Variants in AGGF1 observed in about 807,000 individuals in gnomAD.
AGGF1 encodes angiogenic factor with G patch and FHA domains 1.
In AGGF1, 56 loss-of-function variants were observed where a neutral mutation model predicts 86.5. The observed-to-expected ratio is 0.65, with a 90% CI of 0.52 to 0.81. The LOEUF (loss-of-function observed/expected upper bound fraction) is 0.81, where lower values mean the gene tolerates loss of function less well. Ranked by LOEUF, AGGF1 falls within the 30% of genes least tolerant of loss-of-function variation. AGGF1 has a pLI of 0.00. For synonymous variants in AGGF1, 313 were observed against 297.1 expected, an observed-to-expected ratio of 1.05 and a Z score of -0.55; for missense variants, 816 against 850.9, an observed-to-expected ratio of 0.96 and a Z score of 0.51.
At chr5:77,041,781 CT>C (rs202243111) in intron 5 of AGGF1, among the ~76,000 whole-genome samples, 1 of 106,500 alleles carries the variant, frequency 9.4e-6, no homozygotes, top group Non-Finnish European at 2.0e-5. Context: ...AAGACAAGAA[CT>C]TTTTTTATTT....
At position 77,044,739 on chromosome 5, in the gene AGGF1, T is replaced by C. The variant is rs142814359; in HGVS notation, c.871-1608T>C. Among the ~76,000 whole-genome samples, 45 of 152,268 alleles carry C rather than the reference T, an allele frequency of 3.0e-4. 1 individual carries two copies. The East Asian group carries it at 8.3e-3, about 28-fold the overall frequency. ...GCCCTTGTTCTTGTTCTGGGTGAAT[T>C]TGTATTGCTAGAAGTGTGTATAATT... On this transcript the variant is annotated intron_variant, in intron 5 of 13. Coordinates refer to ENST00000312916, the MANE Select transcript of AGGF1 (RefSeq NM_018046.5).
intron 5 of AGGF1, among the ~76,000 whole-genome samples, chr5:77,040,889 G>A (rs1011664652): frequency 2.6e-5 from 4 of 151,952 alleles, no homozygotes; most frequent in Admixed American, 2.6e-4. Flanking sequence ...TTTGAGACAG[G>A]GTCTTGCTCT....
chr5:77,034,535 G>C lies in AGGF1; in HGVS notation c.313+15G>C. ...GTCAATCTCAGGTATTTAGCTTATA[G>C]TGAGGATATGCTAACACTGTTACAT... On this transcript the variant is annotated intron_variant, in intron 2 of 13. Transcript: ENST00000312916. 2 of 1,489,786 alleles carry C rather than the reference G, an allele frequency of 1.3e-6. No homozygotes were observed. The highest frequency in any genetic ancestry group is 1.9e-6 in the Non-Finnish European group (2 of 1,066,590). 92.3% of individuals were successfully genotyped at this position (1,489,786 alleles called of 1,614,324 possible). A position where few individuals can be genotyped will look rare whatever the true frequency, so the allele number is the denominator to read the frequency against.
chr5:77,053,491 C>T (rs910287086), intron 9 of AGGF1, among the ~76,000 whole-genome samples: 6 of 152,146 alleles, frequency 3.9e-5, no homozygotes, highest in Non-Finnish European at 7.3e-5. Flanking sequence ...TGCACTCCAG[C>T]TTGGGCTACA....
chr5:77,033,831 A>G (rs1241397487), intron 1 of AGGF1, among the ~76,000 whole-genome samples: 2 of 152,156 alleles, frequency 1.3e-5, no homozygotes, highest in South Asian at 2.1e-4. Flanking sequence ...ACTTCCACAC[A>G]CTTGTTTCTC....
intron 5 of AGGF1, among the ~76,000 whole-genome samples, chr5:77,045,300 C>T (rs1416531527): frequency 6.6e-6 from 1 of 152,144 alleles, no homozygotes; most frequent in East Asian, 1.9e-4. Flanking sequence ...TGTATTATTG[C>T]AAACTGCTGA....
intron 11 of AGGF1, among the ~76,000 whole-genome samples, chr5:77,058,429 T>C (rs1747494769): frequency 6.6e-6 from 1 of 152,176 alleles, no homozygotes; most frequent in Non-Finnish European, 1.5e-5. Context: ...AATAACATAT[T>C]TTTTCTGTCA....
At chr5:77,046,751 T>G (rs2150731693) in intron 6 of AGGF1, 74 bp downstream of exon 6, 1 of 1,307,526 alleles carries the variant, frequency 7.6e-7, no homozygotes, top group Non-Finnish European at 1.1e-6. Context: ...TTAAAAATGT[T>G]AGTGAGTTGT....
At chr5:77,039,083 T>A (rs1035814860) in intron 4 of AGGF1, among the ~76,000 whole-genome samples, 5 of 151,942 alleles carry the variant, frequency 3.3e-5, no homozygotes, top group African/African-American at 1.2e-4. Flanking sequence ...GAGAGGAGGG[T>A]TTAGGGGTTT....
intron 1 of AGGF1, among the ~76,000 whole-genome samples, chr5:77,032,088 CTTT>C (rs1390628807): frequency 6.8e-4 from 103 of 151,988 alleles, no homozygotes; most frequent in Non-Finnish European, 1.9e-4. Context: ...CATCAGACTT[CTTT>C]GTTTTGTTAC....
chr5:77,041,072 G>T (rs946850314), intron 5 of AGGF1, among the ~76,000 whole-genome samples: 1 of 152,110 alleles, frequency 6.6e-6, no homozygotes, highest in Non-Finnish European at 1.5e-5. Flanking sequence ...ATACTAAATT[G>T]TAAAGTTCAC....
intron 3 of AGGF1, 24 bp downstream of exon 3, chr5:77,035,767 CTGT>C (rs1746957914): frequency 6.3e-7 from 1 of 1,584,760 alleles, no homozygotes; most frequent in African/African-American, 1.3e-5. Context: ...AAACATGAAA[CTGT>C]TGATGCCCAA....
chr5:77,061,721 C>G lies in AGGF1; in HGVS notation c.1863C>G (p.Asn621Lys). 1 of 1,608,172 alleles carries G rather than the reference C, an allele frequency of 6.2e-7. No individual in the cohort carries two copies. Among genetic ancestry groups the G allele is most frequent in the Non-Finnish European group, 8.5e-7 (1 of 1,176,308 alleles). Residue 621 changes from asparagine (N) to lysine (K), a missense_variant, in exon 13 of 14, where the codon AAC becomes AAG. Around this residue, in one of 3 missense-constraint regions of AGGF1, gnomAD observed 565 missense variants for 585.8 expected, o/e 0.96. Coordinates refer to ENST00000312916, the MANE Select transcript of AGGF1 (RefSeq NM_018046.5). ...CTTAAAGTGAAATTACTGATAGCAA[C>G]AAAGGTCGGAAGATGTTGGAGAAGA... is the stretch of plus-strand genomic sequence containing the variant. ...ASVHSEITDSNKGRKMLEKMG... is the reference protein window; with the variant it reads ...ASVHSEITDSKKGRKMLEKMG...
At chr5:77,043,704 G>T (rs1159241266) in intron 5 of AGGF1, among the ~76,000 whole-genome samples, 1 of 141,634 alleles carries the variant, frequency 7.1e-6, no homozygotes, top group Admixed American at 6.9e-5. Context: ...CCTCCCGGAC[G>T]GGGTGGCTGC....
chr5:77,046,710 C>CCAGTCT (rs761268054), intron 6 of AGGF1, 33 bp downstream of exon 6: 10 of 1,587,130 alleles, frequency 6.3e-6, no homozygotes, highest in Non-Finnish European at 8.6e-6. Flanking sequence ...AGTAAATAGC[C>CCAGTCT]CAGTCTGGTA....
Position 77,030,699 on chromosome 5 carries a change from T to C in AGGF1, c.-68T>C. The C allele has an allele frequency of 1.3e-6, 2 of 1,508,140 alleles. No individual in the cohort carries two copies. The highest frequency in any genetic ancestry group is 1.8e-6 in the Non-Finnish European group (2 of 1,125,550). The allele number at this position is 1,508,140 out of a possible 1,614,324, so 93.4% of individuals were successfully genotyped here. On this transcript the variant is annotated 5_prime_UTR_variant, in exon 1 of 14. Coordinates refer to ENST00000312916, the MANE Select transcript of AGGF1 (RefSeq NM_018046.5). ...CCCGCGCGCTCCAGTGGTCTCTGGGTCCGCCGGCGTCCGTTTCGGCCTGAA... is the reference window on the plus strand; with the variant it reads ...CCCGCGCGCTCCAGTGGTCTCTGGGCCCGCCGGCGTCCGTTTCGGCCTGAA...
intron 5 of AGGF1, among the ~76,000 whole-genome samples, chr5:77,043,530 G>A: frequency 6.8e-6 from 1 of 146,692 alleles, no homozygotes; most frequent in Non-Finnish European, 1.5e-5. Context: ...TGGCCGGGCG[G>A]GGGGCTGACC....
At chr5:77,041,242 T>G (rs947372943) in intron 5 of AGGF1, among the ~76,000 whole-genome samples, 7 of 152,184 alleles carry the variant, frequency 4.6e-5, no homozygotes, top group Non-Finnish European at 8.8e-5. Context: ...TAATGGCTTG[T>G]GCTTGTTACT....
In AGGF1 at chr5:77,052,698, T is replaced by C; in HGVS notation, c.1366-8T>C. 1 of 1,601,340 alleles carries C rather than the reference T, an allele frequency of 6.2e-7. No individual in the cohort carries two copies. The highest frequency in any genetic ancestry group is 8.6e-7 in the Non-Finnish European group (1 of 1,168,964). On this transcript the variant is annotated splice_region_variant and splice_polypyrimidine_tract_variant and intron_variant, in intron 8 of 13. Transcript: ENST00000312916. ...ATAATTAATAATTGCTTGATTTCAC[T>C]TTCTAAGTTTCATGCAGAAATTTAT...
Sources: allele counts gnomAD v4.1 joint callset (sites outside exome capture counted in the v4.1 genomes callset), GRCh38; gene constraint gnomAD v4.1.1; regional missense constraint gnomAD v4.1.1; transcripts MANE v1.5; gene names NCBI Gene and HGNC (gene_info 2026-07-23, HGNC 2026-07-21).